MTUS2: variants seen among roughly 807,000 people sequenced by gnomAD.
MTUS2 encodes microtubule-associated tumor suppressor candidate 2.
In MTUS2, 40 loss-of-function variants were observed where a neutral mutation model predicts 114.1. The ratio of observed to expected loss-of-function variants is 0.35; its 90% CI spans 0.27 to 0.46. The LOEUF (loss-of-function observed/expected upper bound fraction) is 0.46, where lower values mean the gene tolerates loss of function less well. Among genes scored for constraint, MTUS2 ranks in the 20% least tolerant of loss-of-function variants. MTUS2 has a pLI of 1.00. For missense variants in MTUS2, 1,679 were observed against 1,705.4 expected (o/e 0.98, Z 0.27); for synonymous variants, 688 against 672.0 (o/e 1.02, Z -0.37).
At chr13:29,442,926 A>T (rs1223921083) in intron 9 of MTUS2, among the ~76,000 whole-genome samples, 1 of 152,130 alleles carries the variant, frequency 6.6e-6, no homozygotes, top group African/African-American at 2.4e-5. Flanking sequence ...TTTTAGCAAG[A>T]TATGTTGGTC....
intron 2 of MTUS2, among the ~76,000 whole-genome samples, chr13:28,994,579 T>C (rs1885008182): frequency 6.6e-6 from 1 of 152,224 alleles, no homozygotes; most frequent in Non-Finnish European, 1.5e-5. Flanking sequence ...CCTGACTTTT[T>C]AGTGATCGCT....
intron 4 of MTUS2, among the ~76,000 whole-genome samples, chr13:29,090,814 T>C (rs537630789): frequency 1.7e-3 from 252 of 152,336 alleles, no homozygotes; most frequent in African/African-American, 5.7e-3. Flanking sequence ...TGGGCACCTA[T>C]GGCTGTGCTC....
In MTUS2 at chr13:29,403,570, C is replaced by T. The variant is rs374293244; in HGVS notation, c.3118-36413C>T. On this transcript the variant is annotated intron_variant, in intron 8 of 15. Coordinates refer to ENST00000612955, the MANE Select transcript of MTUS2 (RefSeq NM_001033602.4). Reference sequence around the variant, plus strand: ...TGCCCTCCCAAATGTGAGTGGCCCTCGTCCAATTAGTCGAAGGCCCTAAGA... The same window carrying T: ...TGCCCTCCCAAATGTGAGTGGCCCTTGTCCAATTAGTCGAAGGCCCTAAGA... 5.2e-4 allele frequency among the ~76,000 whole-genome samples: 79 copies of T among 152,264 alleles called. No homozygotes were observed. The East Asian group carries it at 5.4e-3, about 10-fold the overall frequency.
Position 29,497,261 on chromosome 13 carries a change from C to CCAGAGCCAGTCTCTGCGGGA in MTUS2, c.3611_3630dup (p.Arg1211SerfsTer14). On this transcript the variant is annotated frameshift_variant, in exon 13 of 16. Coordinates refer to ENST00000612955, the MANE Select transcript of MTUS2 (RefSeq NM_001033602.4). LOFTEE classifies it high-confidence loss of function. Reference sequence around the variant, plus strand: ...AGGACCAGGTGGACACGCTGACCTTCCAGAGCCAGTCTCTGCGGGACAGAG... The same window carrying CCAGAGCCAGTCTCTGCGGGA: ...AGGACCAGGTGGACACGCTGACCTTCCAGAGCCAGTCTCTGCGGGACAGAGCCAGTCTCTGCGGGACAGAG... The CCAGAGCCAGTCTCTGCGGGA allele has an allele frequency of 6.2e-7, 1 of 1,612,214 alleles. No individual in the cohort carries two copies. The highest frequency in any genetic ancestry group is 1.1e-5 in the South Asian group (1 of 90,986).
chr13:29,286,650 C>CTA (rs1324837346), intron 6 of MTUS2, among the ~76,000 whole-genome samples: 1 of 147,210 alleles, frequency 6.8e-6, no homozygotes, highest in Admixed American at 6.7e-5. Flanking sequence ...CACTATCTAT[C>CTA]TGTCTGTCTG....
intron 2 of MTUS2, among the ~76,000 whole-genome samples, chr13:28,998,398 T>C (rs1021328383): frequency 6.6e-6 from 1 of 152,346 alleles, no homozygotes; most frequent in South Asian, 2.1e-4. Context: ...GGAGTATCTT[T>C]GTGGCGTTCT....
intron 8 of MTUS2, among the ~76,000 whole-genome samples, chr13:29,425,706 A>C (rs1296280300): frequency 1.3e-5 from 2 of 152,240 alleles, no homozygotes; most frequent in Non-Finnish European, 2.9e-5. Flanking sequence ...CAATTCTACA[A>C]CATGAATACA....
chr13:28,958,703 A>G (rs1883184284), intron 2 of MTUS2, among the ~76,000 whole-genome samples: 1 of 152,194 alleles, frequency 6.6e-6, no homozygotes, highest in African/African-American at 2.4e-5. Flanking sequence ...AACAGGTCCC[A>G]TTTAACATGA....
chr13:29,437,947 CAAAAAAAA>C (rs60962567), intron 8 of MTUS2, among the ~76,000 whole-genome samples: 1 of 136,378 alleles, frequency 7.3e-6, no homozygotes, highest in Non-Finnish European at 1.6e-5. Context: ...GATCTTATCT[CAAAAAAAA>C]AAAAAAAAGT....
intron 4 of MTUS2, among the ~76,000 whole-genome samples, chr13:29,098,012 A>G (rs1890249080): frequency 6.6e-6 from 1 of 152,212 alleles, no homozygotes; most frequent in African/African-American, 2.4e-5. Context: ...GAATGCAGTT[A>G]TTTCACAGGG....
At chr13:29,139,788 A>G (rs1462645871) in intron 5 of MTUS2, among the ~76,000 whole-genome samples, 1 of 152,188 alleles carries the variant, frequency 6.6e-6, no homozygotes, top group Non-Finnish European at 1.5e-5. Flanking sequence ...TTGTGCCATG[A>G]TTCCTCATTC....
chr13:29,085,512 C>T (rs909044196), intron 4 of MTUS2, among the ~76,000 whole-genome samples: 1 of 152,134 alleles, frequency 6.6e-6, no homozygotes, highest in African/African-American at 2.4e-5. Context: ...AGTTTAGTTC[C>T]CATTTACAGA....
intron 7 of MTUS2, among the ~76,000 whole-genome samples, chr13:29,340,463 C>G (rs956140569): frequency 2.6e-5 from 4 of 152,110 alleles, no homozygotes; most frequent in Admixed American, 2.6e-4. Context: ...GTGTTTCATT[C>G]TTCTAGGATG....
chr13:29,316,250 G>A (rs1899984327), intron 6 of MTUS2, among the ~76,000 whole-genome samples: 1 of 152,212 alleles, frequency 6.6e-6, no homozygotes, highest in Non-Finnish European at 1.5e-5. Flanking sequence ...GTTGGATGTG[G>A]AGGAAAAGCA....
intron 9 of MTUS2, among the ~76,000 whole-genome samples, chr13:29,454,660 A>G (rs1248465163): frequency 1.3e-5 from 2 of 152,204 alleles, no homozygotes; most frequent in Non-Finnish European, 2.9e-5. Flanking sequence ...CCTACACTTG[A>G]TCAATTTTAG....
At chr13:29,239,646 T>C (rs1233196524) in intron 5 of MTUS2, 2 of 152,238 alleles carry the variant, frequency 1.3e-5, no homozygotes, top group Non-Finnish European at 2.9e-5. Context: ...AGAACTGTGA[T>C]GTAATGGAAC....
At chr13:29,228,794 G>A (rs1371703997) in intron 5 of MTUS2, among the ~76,000 whole-genome samples, 1 of 152,146 alleles carries the variant, frequency 6.6e-6, no homozygotes, top group Non-Finnish European at 1.5e-5. Context: ...CATAAAATTA[G>A]ACGTGTGATA....
At chr13:28,900,601 T>A (rs560439070) in intron 2 of MTUS2, among the ~76,000 whole-genome samples, 50 of 152,328 alleles carry the variant, frequency 3.3e-4, no homozygotes, top group African/African-American at 1.2e-3. Context: ...TATTCCAAGT[T>A]GTTGTATCAA....
intron 2 of MTUS2, among the ~76,000 whole-genome samples, chr13:29,019,305 G>A (rs184543122): frequency 7.9e-5 from 12 of 152,214 alleles, no homozygotes; most frequent in South Asian, 6.2e-4. Context: ...TTTTGGCACC[G>A]GGGGCTGCTG....
Sources: gnomAD v4.1 joint callset for allele counts (sites outside exome capture counted in the v4.1 genomes callset) on GRCh38, gnomAD v4.1.1 for gene constraint, MANE v1.5 for transcripts, NCBI Gene and HGNC (gene_info 2026-07-23, HGNC 2026-07-21) for gene names.